The following HHIPL2 variants were observed in gnomAD, a reference collection of about 807,000 sequenced individuals.
HHIPL2 encodes the protein HHIP-like protein 2.
In HHIPL2, 61 loss-of-function variants were observed where a neutral mutation model predicts 61.0. The ratio of observed to expected loss-of-function variants is 1.00; its 90% CI spans 0.81 to 1.24. The LOEUF is 1.24. HHIPL2 is among the 50% of genes most tolerant of loss of function. The pLI is 0.00. For missense variants in HHIPL2, 885 were observed against 910.2 expected (o/e 0.97, Z 0.36); for synonymous variants, 343 against 357.4 (o/e 0.96, Z 0.45).
At chr1:222,543,031 GAGA>G (rs1440079395) in intron 2 of HHIPL2, among the ~76,000 whole-genome samples, 3 of 152,168 alleles carry the variant, frequency 2.0e-5, no homozygotes, top group African/African-American at 4.8e-5. Flanking sequence ...AGAGAGAAAG[GAGA>G]AGAAGGAAAA....
intron 6 of HHIPL2, among the ~76,000 whole-genome samples, chr1:222,531,069 T>C (rs1659178073): frequency 6.6e-6 from 1 of 152,252 alleles, no homozygotes; most frequent in Admixed American, 6.5e-5. Flanking sequence ...CTCTCGCTCA[T>C]GTGTACACGT....
chr1:222,528,622 G>A (rs1016209949), intron 6 of HHIPL2, among the ~76,000 whole-genome samples: 5 of 151,624 alleles, frequency 3.3e-5, no homozygotes, highest in African/African-American at 1.2e-4. Flanking sequence ...AAAAAAAAAA[G>A]AAAGTGTTCG....
intron 3 of HHIPL2, 85 bp from the exon 4 acceptor site, chr1:222,540,426 A>C: frequency 1.9e-6 from 2 of 1,062,124 alleles, no homozygotes; most frequent in Non-Finnish European, 2.7e-6. Context: ...GGGCCGACTC[A>C]TAGCTGATGC....
chr1:222,543,454 A>C, intron 2 of HHIPL2, 83 bp downstream of exon 2: 2 of 1,311,812 alleles, frequency 1.5e-6, no homozygotes, highest in Non-Finnish European at 2.1e-6. Context: ...AAACCAGTGA[A>C]GTTCCCCTCT....
intron 6 of HHIPL2, among the ~76,000 whole-genome samples, chr1:222,528,541 A>T (rs1659117743): frequency 6.6e-6 from 1 of 152,158 alleles, no homozygotes; most frequent in South Asian, 2.1e-4. Flanking sequence ...TGGGAGGCAG[A>T]GGTTGCAGTG....
chr1:222,546,741 G>A (rs1193865529), intron 1 of HHIPL2, among the ~76,000 whole-genome samples: 1 of 152,198 alleles, frequency 6.6e-6, no homozygotes, highest in African/African-American at 2.4e-5. Context: ...TTCTGGGCCA[G>A]GCTCAGCTGT....
intron 8 of HHIPL2, 114 bp downstream of exon 8, chr1:222,523,498 G>A: frequency 1.1e-6 from 1 of 936,238 alleles, no homozygotes; most frequent in East Asian, 2.4e-5. Flanking sequence ...TATAGACTTA[G>A]TTTCCCTCAG....
intron 3 of HHIPL2, 46 bp from the exon 4 acceptor site, chr1:222,540,387 G>A: frequency 6.6e-7 from 1 of 1,510,782 alleles, no homozygotes; most frequent in South Asian, 1.3e-5. Context: ...AGCAAGGAAA[G>A]CCACAGGACT....
intron 5 of HHIPL2, among the ~76,000 whole-genome samples, chr1:222,533,950 A>G (rs1659245305): frequency 6.6e-6 from 1 of 152,240 alleles, no homozygotes; most frequent in Non-Finnish European, 1.5e-5. Flanking sequence ...TCATCAGTAT[A>G]CTCAACAGCA....
In HHIPL2 at chr1:222,547,855, A is replaced by T; in HGVS notation, c.190T>A (p.Tyr64Asn). 26 of 1,614,162 alleles carry T rather than the reference A, an allele frequency of 1.6e-5. No homozygotes were observed. Among genetic ancestry groups the T allele is most frequent in the Non-Finnish European group, 2.2e-5 (26 of 1,180,004 alleles). The change falls in exon 1 of 9, where the codon TAT (tyrosine) becomes AAT (asparagine). Residue 64 changes from tyrosine (Y) to asparagine (N), a missense_variant. Transcript: ENST00000343410. Reference protein sequence around the residue: ...PPLHLEFCSDYESFGCCDQHK... With the variant: ...PPLHLEFCSDNESFGCCDQHK... ...TGATCACAGCAGCCGAAGGACTCAT[A>T]GTCAGAGCAAAACTCAAGGTGCAGA...
chr1:222,537,255 T>C lies in HHIPL2; in HGVS notation c.1577+1393A>G, dbSNP rs182332822. ...ATACAAATTTTCAAAGGACTAGAAA[T>C]AAAAGAAAATGTCCCCAGCCTGATA... On this transcript the variant is annotated intron_variant, in intron 5 of 8. Coordinates refer to ENST00000343410, the MANE Select transcript of HHIPL2 (RefSeq NM_024746.4). 2.2e-3 allele frequency among the ~76,000 whole-genome samples: 326 copies of C among 151,110 alleles called. 1 individual carries two copies. The highest frequency in any genetic ancestry group is 3.6e-3 in the Non-Finnish European group (243 of 67,772).
intron 3 of HHIPL2, among the ~76,000 whole-genome samples, chr1:222,541,076 A>G (rs1659422050): frequency 6.6e-6 from 1 of 152,188 alleles, no homozygotes; most frequent in Admixed American, 6.5e-5. Flanking sequence ...TCTCTATTTA[A>G]AATATATAGC....
chr1:222,523,764 G>T, intron 7 of HHIPL2, 70 bp from the exon 8 acceptor site: 1 of 1,453,966 alleles, frequency 6.9e-7, no homozygotes, highest in Middle Eastern at 1.7e-4. Context: ...AAGGTTACCA[G>T]AGGGCGTATA....
At chr1:222,538,101 A>G (rs533306700) in intron 5 of HHIPL2, among the ~76,000 whole-genome samples, 1 of 152,306 alleles carries the variant, frequency 6.6e-6, no homozygotes, top group East Asian at 1.9e-4. Context: ...GAAGCCAAGC[A>G]CAAAAAGAAG....
rs1346063630 is a variant in HHIPL2 at position 222,547,816 on chromosome 1, G to A, written c.229C>T (p.Arg77Cys). 9 of 1,614,030 alleles carry A rather than the reference G, an allele frequency of 5.6e-6. No individual in the cohort carries two copies. The highest frequency in any genetic ancestry group is 2.7e-5 in the African/African-American group (2 of 74,902). ...ATGTCCCAGTACCGGGCAGCGATGC[G>A]GCGGTCCTTGTGCTGATCACAGCAG... is the stretch of plus-strand genomic sequence containing the variant. ...FGCCDQHKDR[R>C]IAARYWDIME... Residue 77 changes from arginine to cysteine, a missense_variant, in exon 1 of 9, where the codon CGC becomes TGC. By Grantham distance (180) the Arg-to-Cys change is radical. Transcript: ENST00000343410.
chr1:222,540,584 G>A (rs1474129117), intron 3 of HHIPL2, among the ~76,000 whole-genome samples: 1 of 152,144 alleles, frequency 6.6e-6, no homozygotes, highest in African/African-American at 2.4e-5. Context: ...AGAACTACGA[G>A]GCAAAAGTTT....
intron 2 of HHIPL2, among the ~76,000 whole-genome samples, chr1:222,542,413 G>A (rs929198033): frequency 2.0e-5 from 3 of 151,720 alleles, no homozygotes; most frequent in African/African-American, 7.3e-5. Context: ...ATCCAAGCTG[G>A]AGTGCTGTGG....
At chr1:222,526,767 T>C (rs1371500442) in intron 7 of HHIPL2, among the ~76,000 whole-genome samples, 2 of 151,430 alleles carry the variant, frequency 1.3e-5, no homozygotes, top group Non-Finnish European at 2.9e-5. Flanking sequence ...GCTCAAGGTC[T>C]TCATGTCCAA....
intron 3 of HHIPL2, among the ~76,000 whole-genome samples, chr1:222,540,671 CT>C (rs1659413298): frequency 6.6e-6 from 1 of 152,202 alleles, no homozygotes; most frequent in South Asian, 2.1e-4. Flanking sequence ...CAGCTTCTCT[CT>C]GATTTGGTCT....
Sources: gnomAD v4.1 joint callset for allele counts (sites outside exome capture counted in the v4.1 genomes callset) on GRCh38, gnomAD v4.1.1 for gene constraint, MANE v1.5 for transcripts, NCBI Gene and HGNC (gene_info 2026-07-23, HGNC 2026-07-21) for gene names.